SLC35F4: variants seen among roughly 807,000 people sequenced by gnomAD.
The protein encoded by SLC35F4 is solute carrier family 35 member F4.
Under a neutral mutation model 44.2 loss-of-function variants are expected in SLC35F4, and 24 were observed. That is an observed-to-expected ratio of 0.54 (90% CI 0.39 to 0.76). The LOEUF (loss-of-function observed/expected upper bound fraction) is 0.76. Ranked by LOEUF, SLC35F4 falls within the 30% of genes least tolerant of loss-of-function variation. SLC35F4 has a pLI of 0.00. For missense variants in SLC35F4, 562 were observed against 586.1 expected (o/e 0.96, Z 0.42); for synonymous variants, 238 against 223.6 (o/e 1.06, Z -0.57).
chr14:57,723,022 A>G (rs553727966), intron 1 of SLC35F4, among the ~76,000 whole-genome samples: 3 of 152,302 alleles, frequency 2.0e-5, no homozygotes, highest in East Asian at 1.9e-4. Context: ...GTAACTGTGC[A>G]CTGGGGAAAA....
At chr14:57,876,104 C>T (rs1888395395) in intron 1 of SLC35F4, among the ~76,000 whole-genome samples, 6 of 152,176 alleles carry the variant, frequency 3.9e-5, no homozygotes, top group Admixed American at 3.9e-4. Context: ...TAATTCCAAA[C>T]CTTTTGACTT....
chr14:57,578,144 AT>A (rs147899454), intron 4 of SLC35F4, among the ~76,000 whole-genome samples: 8,158 of 151,906 alleles, frequency 0.054, 218 homozygotes, highest in Non-Finnish European at 0.059. Flanking sequence ...TTCTTTTTAC[AT>A]TAAAAAAAAA....
At chr14:57,677,406 A>G (rs977194130) in intron 1 of SLC35F4, among the ~76,000 whole-genome samples, 2 of 114,018 alleles carry the variant, frequency 1.8e-5, no homozygotes, top group African/African-American at 4.3e-5. Flanking sequence ...AAAACTATTG[A>G]AAAAAAAATA....
chr14:57,788,003 C>G (rs749372928), intron 1 of SLC35F4, among the ~76,000 whole-genome samples: 3 of 152,106 alleles, frequency 2.0e-5, no homozygotes, highest in Non-Finnish European at 2.9e-5. Flanking sequence ...ACTCACCAAC[C>G]AACTATCTGC....
At chr14:57,877,523 G>T (rs1173840222) in intron 1 of SLC35F4, among the ~76,000 whole-genome samples, 5 of 152,030 alleles carry the variant, frequency 3.3e-5, no homozygotes, top group Non-Finnish European at 7.4e-5. Context: ...CCCAGTAATG[G>T]GATTGCTCAA....
chr14:57,866,839 C>T (rs962279247), upstream of SLC35F4, among the ~76,000 whole-genome samples: 1 of 151,894 alleles, frequency 6.6e-6, no homozygotes, highest in African/African-American at 2.4e-5. Context: ...GTGTTCAGAG[C>T]GAACACCCTC....
chr14:57,802,400 C>T (rs1009377919), intron 1 of SLC35F4, among the ~76,000 whole-genome samples: 2 of 151,598 alleles, frequency 1.3e-5, no homozygotes, highest in African/African-American at 4.8e-5. Context: ...AACCTAACAT[C>T]TCAACTATAA....
chr14:57,964,028 C>T (rs1594657541), intron 1 of SLC35F4, among the ~76,000 whole-genome samples: 1 of 152,174 alleles, frequency 6.6e-6, no homozygotes, highest in East Asian at 1.9e-4. Flanking sequence ...AGCCCTAGCT[C>T]ATCTTCATAA....
intron 1 of SLC35F4, among the ~76,000 whole-genome samples, chr14:57,948,070 C>T (rs906380484): frequency 6.6e-6 from 1 of 152,000 alleles, no homozygotes; most frequent in Non-Finnish European, 1.5e-5. Flanking sequence ...AAGAAGGATT[C>T]CTTCTTTCTT....
At chr14:57,747,310 C>T (rs1357053246) in intron 1 of SLC35F4, among the ~76,000 whole-genome samples, 2 of 152,124 alleles carry the variant, frequency 1.3e-5, no homozygotes, top group Non-Finnish European at 2.9e-5. Context: ...GACTCAGTGA[C>T]AAATTGAATG....
intron 1 of SLC35F4, among the ~76,000 whole-genome samples, chr14:57,952,058 GC>G (rs1226700626): frequency 1.3e-5 from 2 of 152,196 alleles, no homozygotes; most frequent in Non-Finnish European, 2.9e-5. Context: ...TCTGATGGGT[GC>G]CCCTCTGGGA....
intron 1 of SLC35F4, among the ~76,000 whole-genome samples, chr14:57,820,195 T>G (rs1317491569): frequency 6.6e-6 from 1 of 152,198 alleles, no homozygotes; most frequent in Non-Finnish European, 1.5e-5. Flanking sequence ...TTTTAATGAA[T>G]TTTTGCTAGG....
intron 1 of SLC35F4, among the ~76,000 whole-genome samples, chr14:57,881,675 T>G (rs929241173): frequency 5.9e-5 from 9 of 152,090 alleles, no homozygotes; most frequent in Admixed American, 5.9e-4. Flanking sequence ...AGTAATAGGG[T>G]TGCAAATTTC....
At chr14:57,895,581 ACTCTCT>A (rs373339951) in intron 1 of SLC35F4, among the ~76,000 whole-genome samples, 23 of 131,756 alleles carry the variant, frequency 1.7e-4, no homozygotes, top group Non-Finnish European at 2.5e-4. Context: ...TCGCTCTCTC[ACTCTCT>A]CTCTCTCTCT....
chr14:57,912,063 T>C (rs1448532098), intron 1 of SLC35F4, among the ~76,000 whole-genome samples: 1 of 152,038 alleles, frequency 6.6e-6, no homozygotes, highest in Non-Finnish European at 1.5e-5. Flanking sequence ...AATAAAGTTG[T>C]TCATAATATT....
intron 1 of SLC35F4, among the ~76,000 whole-genome samples, chr14:57,864,075 C>T (rs1887913012): frequency 1.3e-5 from 2 of 152,100 alleles, no homozygotes; most frequent in African/African-American, 4.8e-5. Context: ...TCATTGTTAG[C>T]CAAAGTTCCA....
intron 1 of SLC35F4, among the ~76,000 whole-genome samples, chr14:57,672,095 TAACTC>T (rs932618298): frequency 6.6e-6 from 1 of 152,116 alleles, no homozygotes; most frequent in African/African-American, 2.4e-5. Context: ...CTGCATTTTA[TAACTC>T]AATGATTTAC....
chr14:57,645,995 C>T (rs1178877206), intron 1 of SLC35F4, among the ~76,000 whole-genome samples: 1 of 152,138 alleles, frequency 6.6e-6, no homozygotes, highest in East Asian at 1.9e-4. Context: ...GGTGGATAAG[C>T]TTTTTGATGT....
intron 1 of SLC35F4, among the ~76,000 whole-genome samples, chr14:57,711,166 G>A (rs1170728322): frequency 6.6e-6 from 1 of 152,126 alleles, no homozygotes. Context: ...GATAGTGAGT[G>A]AGTTCTCATG....
Sources: gnomAD v4.1 joint callset for allele counts (sites outside exome capture counted in the v4.1 genomes callset) on GRCh38, gnomAD v4.1.1 for gene constraint, MANE v1.5 for transcripts, NCBI Gene and HGNC (gene_info 2026-07-23, HGNC 2026-07-21) for gene names.